Variants in ARG1 observed in about 807,000 individuals in gnomAD.
ARG1 encodes arginase 1, also known as arginase-1.
Under a neutral mutation model 33.0 loss-of-function variants are expected in ARG1, and 20 were observed. The ratio of observed to expected loss-of-function variants is 0.61; its 90% CI spans 0.43 to 0.88. The LOEUF (loss-of-function observed/expected upper bound fraction) is 0.88. Among genes scored for constraint, ARG1 ranks in the 40% least tolerant of loss-of-function variants. The pLI, the probability that ARG1 is intolerant of heterozygous loss-of-function variation, is 0.00. For missense variants in ARG1, 374 were observed against 384.7 expected (o/e 0.97, Z 0.23); for synonymous variants, 146 against 140.6 (o/e 1.04, Z -0.27).
rs1053673061 is a variant in ARG1 at position 131,581,502 on chromosome 6, C to T, written c.465+124C>T. ...GTGTAATCTCAAATCATTTTCTCTG[C>T]AGCCAATAAGCAAAGGGTTGGTTGA... On this transcript the variant is annotated intron_variant, in intron 4 of 7. Coordinates refer to ENST00000368087, the MANE Select transcript of ARG1 (RefSeq NM_000045.4). 1.8e-5 allele frequency: 21 copies of T among 1,184,834 alleles called. No individual in the cohort carries two copies. In the African/African-American group the frequency reaches 2.9e-4, roughly 16 times the overall value. 73.4% of individuals were successfully genotyped at this position (1,184,834 alleles called of 1,614,324 possible). A position where few individuals can be genotyped will look rare whatever the true frequency, so the allele number is the denominator to read the frequency against.
At chr6:131,577,009 T>C (rs1362743689) in intron 2 of ARG1, among the ~76,000 whole-genome samples, 1 of 151,272 alleles carries the variant, frequency 6.6e-6, no homozygotes, top group Non-Finnish European at 1.5e-5. Context: ...TTGGGGTGGA[T>C]GGTAGGGGAG....
chr6:131,576,607 G>A, intron 1 of ARG1, 56 bp from the exon 2 acceptor site: 1 of 1,502,156 alleles, frequency 6.7e-7, no homozygotes, highest in Non-Finnish European at 9.3e-7. Context: ...GGTTCCTGCT[G>A]TGAGCATCTG....
chr6:131,583,327 A>C, intron 6 of ARG1, 28 bp from the exon 7 acceptor site: 3 of 1,614,124 alleles, frequency 1.9e-6, no homozygotes, highest in Non-Finnish European at 2.5e-6. Flanking sequence ...TCAACCTTAA[A>C]CTGAAATCCT....
intron 2 of ARG1, 85 bp from the exon 3 acceptor site, chr6:131,579,026 C>CTA: frequency 6.8e-7 from 1 of 1,466,002 alleles, no homozygotes; most frequent in Non-Finnish European, 9.4e-7. Context: ...GAATATATGC[C>CTA]TATTTTATAC....
rs202219126 is a variant in ARG1 at position 131,583,883 on chromosome 6, T to C, written c.944T>C (p.Ile315Thr). Residue 315 changes from isoleucine (I) to threonine (T), a missense_variant, in exon 8 of 8, where the codon ATT (isoleucine) becomes ACT (threonine). Ile to Thr is a moderately conservative substitution (Grantham distance 89). Coordinates refer to ENST00000368087, the MANE Select transcript of ARG1 (RefSeq NM_000045.4). ...GLAREGNHKP[I>T]DYLNPPK ...GCTCGGGAGGGTAATCACAAGCCTA[T>C]TGACTACCTTAACCCACCTAAGTAA... 136 of 1,614,026 alleles carry C rather than the reference T, an allele frequency of 8.4e-5. No homozygotes were observed. The Admixed American group carries it at 1.4e-3, about 16-fold the overall frequency.
chr6:131,579,147 C>T lies in ARG1; in HGVS notation c.167C>T (p.Ala56Val). 1 of 1,614,166 alleles carries T rather than the reference C, an allele frequency of 6.2e-7. No individual in the cohort carries two copies. Among genetic ancestry groups the T allele is most frequent in the Non-Finnish European group, 8.5e-7 (1 of 1,180,022 alleles). ...DVKDYGDLPFADIPNDSPFQI... is the reference protein window; with the variant it reads ...DVKDYGDLPFVDIPNDSPFQI... ...AAGGATTATGGGGACCTGCCCTTTG[C>T]TGACATCCCTAATGACAGTCCCTTT... is the stretch of plus-strand genomic sequence containing the variant. The change falls in exon 3 of 8, where the codon GCT becomes GTT. Residue 56 changes from alanine to valine, a missense_variant. Coordinates refer to ENST00000368087, the MANE Select transcript of ARG1 (RefSeq NM_000045.4).
chr6:131,575,395 C>T (rs1773565578), intron 1 of ARG1, among the ~76,000 whole-genome samples: 1 of 152,076 alleles, frequency 6.6e-6, no homozygotes. Context: ...AAGCAGCACC[C>T]TATTGGGGTT....
chr6:131,576,526 G>T (rs1214624696), intron 1 of ARG1, 137 bp from the exon 2 acceptor site: 1 of 777,184 alleles, frequency 1.3e-6, no homozygotes, highest in Non-Finnish European at 2.2e-6. Context: ...TAAAAGAGAT[G>T]ATGTAAATTC....
At position 131,574,378 on chromosome 6, in the gene ARG1, G is replaced by A. The variant is rs73544620; in HGVS notation, c.57+1039G>A. ...CAGTAAATACTACTTTGCTTCCCCT[G>A]GAAATCCTCCAAAAGTCTCTCCCAA... On this transcript the variant is annotated intron_variant, in intron 1 of 7. Coordinates refer to ENST00000368087, the MANE Select transcript of ARG1 (RefSeq NM_000045.4). 3.9e-3 allele frequency: 5,940 copies of A among 1,508,348 alleles called. 217 individuals carry two copies. In the African/African-American group the frequency reaches 0.071, roughly 18 times the overall value. 93.4% of individuals were successfully genotyped at this position (1,508,348 alleles called of 1,614,324 possible).
chr6:131,574,397 C>T, intron 1 of ARG1: 2 of 1,336,128 alleles, frequency 1.5e-6, no homozygotes, highest in Non-Finnish European at 2.2e-6. Flanking sequence ...CCAAAAGTCT[C>T]TCCCAAACAC....
intron 3 of ARG1, among the ~76,000 whole-genome samples, chr6:131,580,218 T>C (rs1344794628): frequency 6.6e-6 from 1 of 152,196 alleles, no homozygotes; most frequent in Non-Finnish European, 1.5e-5. Context: ...GGCTTCCTCT[T>C]CTAAAGCCAA....
intron 7 of ARG1, 105 bp from the exon 8 acceptor site, chr6:131,583,637 G>A (rs770684425): frequency 3.6e-5 from 54 of 1,517,788 alleles, no homozygotes; most frequent in Non-Finnish European, 4.5e-5. Flanking sequence ...GTTTTCCATC[G>A]GTTACTACCT....
At position 131,583,871 on chromosome 6, in the gene ARG1, A is replaced by G. The variant is rs1403109925; in HGVS notation, c.932A>G (p.Asn311Ser). 2.5e-6 allele frequency: 4 copies of G among 1,614,040 alleles called. No individual in the cohort carries two copies. The Admixed American group carries it at 5.0e-5, about 20-fold the overall frequency. Reference sequence around the variant, plus strand: ...TGTTTCGGACTTGCTCGGGAGGGTAATCACAAGCCTATTGACTACCTTAAC... The same window carrying G: ...TGTTTCGGACTTGCTCGGGAGGGTAGTCACAAGCCTATTGACTACCTTAAC... Reference protein sequence around the residue: ...LACFGLAREGNHKPIDYLNPP... With the variant: ...LACFGLAREGSHKPIDYLNPP... Residue 311 changes from asparagine (N) to serine (S), a missense_variant, in exon 8 of 8, where the codon AAT (asparagine) becomes AGT (serine). Transcript: ENST00000368087.
Position 131,584,044 on chromosome 6 carries a change from A to G in ARG1, c.*136A>G, listed in dbSNP as rs1774078853. 1 of 972,042 alleles carries G rather than the reference A, an allele frequency of 1.0e-6. No homozygotes were observed. The highest frequency in any genetic ancestry group is 3.0e-5 in the Admixed American group (1 of 33,414). The allele number at this position is 972,042 out of a possible 1,614,324, so 60.2% of individuals were successfully genotyped here. ...TTTTCCAATTAGTATAAACTCTACA[A>G]ATTCCCTCTTGGTGTAAAATTCAAG... On this transcript the variant is annotated 3_prime_UTR_variant, in exon 8 of 8. Coordinates refer to ENST00000368087, the MANE Select transcript of ARG1 (RefSeq NM_000045.4).
chr6:131,582,465 C>T (rs1033558829), intron 4 of ARG1, among the ~76,000 whole-genome samples, 156 bp from the exon 5 acceptor site: 2 of 152,288 alleles, frequency 1.3e-5, no homozygotes, highest in Middle Eastern at 3.4e-3. Context: ...GGGAGGCACA[C>T]ATCCTCTTCT....
At chr6:131,578,364 C>T (rs3850245) in intron 2 of ARG1, among the ~76,000 whole-genome samples, 16,255 of 152,018 alleles carry the variant, frequency 0.11, 943 homozygotes, top group Middle Eastern at 0.19. Context: ...ATTTAATGGC[C>T]AATTAGTTCA....
rs1773829449 is a variant in ARG1 at position 131,579,866 on chromosome 6, G to C, written c.305+581G>C. ...TGTGTATGTGTGTGTGTGAGAGAGA[G>C]AGAGAGAGAGACAGATGTCTATGTT... On this transcript the variant is annotated intron_variant, in intron 3 of 7. Transcript: ENST00000368087. Among the ~76,000 whole-genome samples, 3 of 152,150 alleles carry C rather than the reference G, an allele frequency of 2.0e-5. No individual in the cohort carries two copies. In the South Asian group the frequency reaches 6.2e-4, roughly 32 times the overall value.
chr6:131,583,890 C>T lies in ARG1; in HGVS notation c.951C>T (p.Tyr317=), dbSNP rs1405840831. 1 of 1,614,064 alleles carries T rather than the reference C, an allele frequency of 6.2e-7. No individual in the cohort carries two copies. The highest frequency in any genetic ancestry group is 8.5e-7 in the Non-Finnish European group (1 of 1,179,964). Residue 317 remains tyrosine (Y), a synonymous_variant, in exon 8 of 8, where the codon TAC becomes TAT. Transcript: ENST00000368087. ...AREGNHKPID[Y]LNPPK ...AGGGTAATCACAAGCCTATTGACTA[C>T]CTTAACCCACCTAAGTAAATGTGGA...
rs200319835 is a variant in ARG1 at position 131,582,622 on chromosome 6, T to C, written c.467T>C (p.Ile156Thr). 44 of 1,612,636 alleles carry C rather than the reference T, an allele frequency of 2.7e-5. No homozygotes were observed. The highest frequency in any genetic ancestry group is 3.4e-5 in the Non-Finnish European group (40 of 1,178,792). The part of the protein sequence containing the change: ...SFLLKELKGK[I>T]PDVPGFSWVT... Reference sequence around the variant, plus strand: ...CAAGTGAAAACATTGTAATTTTAGATTCCCGATGTGCCAGGATTCTCCTGG... The same window carrying C: ...CAAGTGAAAACATTGTAATTTTAGACTCCCGATGTGCCAGGATTCTCCTGG... The change falls in exon 5 of 8, where the codon ATT becomes ACT. Residue 156 changes from isoleucine (I) to threonine (T), a missense_variant and splice_region_variant. By Grantham distance (89) the Ile-to-Thr change is moderately conservative. Coordinates refer to ENST00000368087, the MANE Select transcript of ARG1 (RefSeq NM_000045.4).
Sources: allele counts gnomAD v4.1 joint callset (sites outside exome capture counted in the v4.1 genomes callset), GRCh38; gene constraint gnomAD v4.1.1; transcripts MANE v1.5; gene names NCBI Gene and HGNC (gene_info 2026-07-23, HGNC 2026-07-21).